ADGB: variants seen among roughly 807,000 people sequenced by gnomAD.
ADGB encodes the protein calpain-7-like protein.
In ADGB, 172 loss-of-function variants were observed where a neutral mutation model predicts 210.5. The observed-to-expected ratio is 0.82, with a 90% CI of 0.72 to 0.93. The LOEUF is 0.93. Ranked by LOEUF, ADGB falls within the 40% of genes least tolerant of loss-of-function variation. ADGB has a pLI of 0.00. For synonymous variants in ADGB, 658 were observed against 662.7 expected (o/e 0.99, Z 0.11); for missense variants, 2,025 against 1,964.8 (o/e 1.03, Z -0.58).
intron 35 of ADGB, among the ~76,000 whole-genome samples, chr6:146,812,075 T>C (rs1454865273): frequency 6.6e-6 from 1 of 152,252 alleles, no homozygotes; most frequent in Admixed American, 6.5e-5. Flanking sequence ...TTTTGAATCA[T>C]TATGTTACAT....
intron 16 of ADGB, among the ~76,000 whole-genome samples, chr6:146,718,920 A>G (rs1583604388): frequency 7.1e-6 from 1 of 140,904 alleles, no homozygotes; most frequent in South Asian, 2.4e-4. Flanking sequence ...CTAGAGGAAT[A>G]CTTTGACTTT....
At chr6:146,793,129 C>T (rs932637051) in intron 33 of ADGB, among the ~76,000 whole-genome samples, 5 of 152,160 alleles carry the variant, frequency 3.3e-5, no homozygotes, top group Admixed American at 6.5e-5. Context: ...TATCAGATTG[C>T]CCTTTTTTCA....
intron 14 of ADGB, among the ~76,000 whole-genome samples, 157 bp downstream of exon 14, chr6:146,715,572 A>T (rs1306425656): frequency 6.6e-6 from 1 of 152,140 alleles, no homozygotes; most frequent in Non-Finnish European, 1.5e-5. Context: ...TTAAAAAAAG[A>T]GATAATTTCA....
intron 10 of ADGB, among the ~76,000 whole-genome samples, chr6:146,686,201 C>A (rs1049796931): frequency 6.6e-6 from 1 of 151,990 alleles, no homozygotes; most frequent in Admixed American, 6.6e-5. Flanking sequence ...AGGCCACATG[C>A]GTTTTCTTAA....
intron 2 of ADGB, among the ~76,000 whole-genome samples, chr6:146,637,537 G>A (rs193263530): frequency 2.0e-4 from 31 of 151,952 alleles, no homozygotes; most frequent in African/African-American, 7.0e-4. Context: ...CAAGGTAAAG[G>A]GACCCCAATA....
intron 3 of ADGB, among the ~76,000 whole-genome samples, chr6:146,653,501 T>C (rs1775733892): frequency 6.6e-6 from 1 of 152,168 alleles, no homozygotes; most frequent in African/African-American, 2.4e-5. Flanking sequence ...GAAAATGAAA[T>C]ATCACATGTT....
chr6:146,764,299 T>C (rs1162496542), intron 28 of ADGB, among the ~76,000 whole-genome samples, 199 bp downstream of exon 28: 1 of 152,192 alleles, frequency 6.6e-6, no homozygotes, highest in Non-Finnish European at 1.5e-5. Context: ...GTATTTAATA[T>C]GTACATGAAT....
intron 1 of ADGB, among the ~76,000 whole-genome samples, chr6:146,630,931 G>C (rs966001591): frequency 2.6e-5 from 4 of 152,156 alleles, no homozygotes; most frequent in African/African-American, 9.7e-5. Flanking sequence ...AAAACTCAAT[G>C]TTATATTGAA....
chr6:146,779,423 T>G (rs1440948412), intron 29 of ADGB, among the ~76,000 whole-genome samples: 2 of 152,176 alleles, frequency 1.3e-5, no homozygotes, highest in African/African-American at 4.8e-5. Flanking sequence ...TAATAATGGC[T>G]GAAAATGTCC....
At chr6:146,649,353 G>T (rs958343980) in intron 3 of ADGB, among the ~76,000 whole-genome samples, 1 of 151,600 alleles carries the variant, frequency 6.6e-6, no homozygotes, top group Non-Finnish European at 1.5e-5. Context: ...TTTGTTTTTG[G>T]CTGGGTTGAT....
At chr6:146,628,748 T>C (rs1682767211) in intron 1 of ADGB, among the ~76,000 whole-genome samples, 1 of 152,044 alleles carries the variant, frequency 6.6e-6, no homozygotes, top group Admixed American at 6.6e-5. Context: ...CAGATGCTAT[T>C]TTCCGTAAGA....
At chr6:146,605,055 T>C (rs1013459665) in intron 1 of ADGB, among the ~76,000 whole-genome samples, 4 of 152,096 alleles carry the variant, frequency 2.6e-5, no homozygotes, top group African/African-American at 9.7e-5. Context: ...ATAAAGCATC[T>C]AAGATGAGTA....
Position 146,763,883 on chromosome 6 carries a change from A to T in ADGB, c.3551-18A>T, listed in dbSNP as rs1319520397. On this transcript the variant is annotated intron_variant, in intron 27 of 35. Coordinates refer to ENST00000397944, the MANE Select transcript of ADGB (RefSeq NM_024694.4). ...ATATCACATATTTTAACTTTAACTTAGTATTTCTCCTATTCAGCTAGCAAG... is the reference window on the plus strand; with the variant it reads ...ATATCACATATTTTAACTTTAACTTTGTATTTCTCCTATTCAGCTAGCAAG... 2.6e-6 allele frequency: 4 copies of T among 1,539,316 alleles called. No individual in the cohort carries two copies. Among genetic ancestry groups the T allele is most frequent in the Non-Finnish European group, 3.5e-6 (4 of 1,140,650 alleles).
chr6:146,741,503 TGACA>T (rs1777163794), intron 25 of ADGB, among the ~76,000 whole-genome samples: 1 of 152,128 alleles, frequency 6.6e-6, no homozygotes, highest in African/African-American at 2.4e-5. Flanking sequence ...AAAGAAAATA[TGACA>T]AAAAGAAAGC....
At chr6:146,753,557 G>A (rs1186324020) in intron 27 of ADGB, among the ~76,000 whole-genome samples, 2 of 151,712 alleles carry the variant, frequency 1.3e-5, no homozygotes, top group Non-Finnish European at 2.9e-5. Flanking sequence ...CTTTTTTGGT[G>A]GCTTCTAATA....
intron 35 of ADGB, chr6:146,802,897 T>C: frequency 1.2e-6 from 2 of 1,610,544 alleles, no homozygotes; most frequent in Non-Finnish European, 1.7e-6. Context: ...ATCCACTTAA[T>C]TGTTGTTTTA....
In ADGB at chr6:146,788,323, T is replaced by A. The variant is rs531021788; in HGVS notation, c.4316-66T>A. 4.3e-6 allele frequency: 6 copies of A among 1,387,360 alleles called. No homozygotes were observed. In the South Asian group the frequency reaches 7.5e-5, roughly 17 times the overall value. The allele number at this position is 1,387,360 out of a possible 1,614,324, so 85.9% of individuals were successfully genotyped here. ...AATCTGTGCTCCCATCATCAAGCCC[T>A]GTTACTGTTTGCATGTGATTTCATG... On this transcript the variant is annotated intron_variant, in intron 32 of 35. Transcript: ENST00000397944.
intron 9 of ADGB, among the ~76,000 whole-genome samples, chr6:146,677,850 G>T (rs954522602): frequency 6.6e-6 from 1 of 152,164 alleles, no homozygotes; most frequent in Non-Finnish European, 1.5e-5. Flanking sequence ...CAGCATTATT[G>T]TTTTGGTGAG....
Position 146,721,452 on chromosome 6 carries a change from C to G in ADGB, c.2042C>G (p.Pro681Arg). The change falls in exon 17 of 36, where the codon CCT becomes CGT. Residue 681 changes from proline to arginine, a missense_variant. Pro to Arg is a moderately radical substitution (Grantham distance 103). Transcript: ENST00000397944. The part of the protein sequence containing the change: ...SYYLFVDSLK[P>R]IELLVCFSAL... ...TATCTATTTGTAGATAGTCTAAAACCTATTGAACTACTGGTTTGCTTTTCT... is the reference window on the plus strand; with the variant it reads ...TATCTATTTGTAGATAGTCTAAAACGTATTGAACTACTGGTTTGCTTTTCT... 1 of 1,551,258 alleles carries G rather than the reference C, an allele frequency of 6.4e-7. No homozygotes were observed. The highest frequency in any genetic ancestry group is 8.7e-7 in the Non-Finnish European group (1 of 1,146,684).
Sources: allele counts gnomAD v4.1 joint callset (sites outside exome capture counted in the v4.1 genomes callset), GRCh38; gene constraint gnomAD v4.1.1; transcripts MANE v1.5; gene names NCBI Gene and HGNC (gene_info 2026-07-23, HGNC 2026-07-21).